The following TF variants were observed in gnomAD, a reference collection of about 807,000 sequenced individuals.
TF encodes transferrin, also known as serotransferrin.
TF carries 55 observed loss-of-function variants against 82.4 expected under a neutral mutation model. The observed-to-expected ratio is 0.67, with a 90% CI of 0.54 to 0.84. The LOEUF is 0.84. TF is among the 40% of genes least tolerant of loss of function. The pLI is 0.00. For missense variants in TF, 737 were observed against 868.4 expected (o/e 0.85, Z 1.90); for synonymous variants, 332 against 332.6 (o/e 1.00, Z 0.02).
In TF at chr3:133,757,812, G is replaced by C; in HGVS notation, c.914G>C (p.Ser305Thr). The change falls in exon 8 of 17, where the codon AGC (serine) becomes ACC (threonine). Residue 305 changes from serine to threonine, a missense_variant. Physicochemically the swap from Ser to Thr is moderately conservative, Grantham distance 58. Transcript: ENST00000402696. ...KDKSKEFQLF[S>T]SPHGKDLLFK... ...AAATCAAAAGAATTCCAACTATTCA[G>C]CTCTCCTCATGGGAAGGACCTGCTG... 1 of 1,614,192 alleles carries C rather than the reference G, an allele frequency of 6.2e-7. No homozygotes were observed. The highest frequency in any genetic ancestry group is 8.5e-7 in the Non-Finnish European group (1 of 1,180,036).
chr3:133,777,402 A>G, intron 16 of TF, 164 bp downstream of exon 16: 1 of 677,358 alleles, frequency 1.5e-6, no homozygotes, highest in South Asian at 1.7e-5. Context: ...ATGACAGGCT[A>G]GACTGTAGGG....
chr3:133,791,016 G>A lies in TF; in HGVS notation c.*12396G>A, dbSNP rs1934818045. 1 of 151,962 alleles carries A rather than the reference G, an allele frequency of 6.6e-6. No individual in the cohort carries two copies. Among genetic ancestry groups the A allele is most frequent in the Non-Finnish European group, 1.5e-5 (1 of 67,994 alleles). 9.4% of individuals were successfully genotyped at this position (151,962 alleles called of 1,614,324 possible). On this transcript the variant is annotated 3_prime_UTR_variant, in exon 17 of 17. Transcript: ENST00000402696. Reference sequence around the variant, plus strand: ...ATTTGTTTGCCATTTATTCTCCTCTGGCTTTGCTTGTGTATGCACATATAA... The same window carrying A: ...ATTTGTTTGCCATTTATTCTCCTCTAGCTTTGCTTGTGTATGCACATATAA...
chr3:133,669,826 G>C, the TF span, among the ~76,000 whole-genome samples: 56,598 of 152,016 alleles, frequency 0.37, 11,719 homozygotes, highest in East Asian at 0.53. Context: ...AGATTTTGGA[G>C]CTTTGCTATT....
chr3:133,697,644 C>A, the TF span, among the ~76,000 whole-genome samples: 1 of 152,174 alleles, frequency 6.6e-6, no homozygotes, highest in African/African-American at 2.4e-5. Context: ...CTGCTGCTGC[C>A]CCCCTGGGCC....
the TF span, among the ~76,000 whole-genome samples, chr3:133,673,519 C>A: frequency 1.3e-5 from 2 of 152,280 alleles, no homozygotes; most frequent in African/African-American, 2.4e-5. Context: ...GAATGTGCAA[C>A]GCTGATAATG....
At chr3:133,767,960 T>G in intron 12 of TF, 69 bp from the exon 13 acceptor site, 2 of 1,594,004 alleles carry the variant, frequency 1.3e-6, no homozygotes, top group Non-Finnish European at 1.7e-6. Context: ...TGCAGCCCTG[T>G]TATCTCTTAA....
At chr3:133,691,525 A>G in the TF span, among the ~76,000 whole-genome samples, 10 of 152,206 alleles carry the variant, frequency 6.6e-5, no homozygotes, top group Non-Finnish European at 1.2e-4. Context: ...GGCATCCAGC[A>G]TACACGAGAT....
the TF span, among the ~76,000 whole-genome samples, chr3:133,703,506 A>C: frequency 8.5e-3 from 1,291 of 152,270 alleles, 20 homozygotes; most frequent in African/African-American, 0.029. Context: ...TATCTAGCTT[A>C]TTGAAGTTTG....
chr3:133,692,505 T>C, the TF span, among the ~76,000 whole-genome samples: 1 of 152,116 alleles, frequency 6.6e-6, no homozygotes, highest in Admixed American at 6.5e-5. Context: ...TGCGCTCCAC[T>C]CAGTAGGCCC....
At chr3:133,755,597 G>A (rs1933804788) in intron 5 of TF, 102 bp downstream of exon 5, 2 of 1,530,026 alleles carry the variant, frequency 1.3e-6, no homozygotes, top group African/African-American at 1.4e-5. Context: ...GCCTACAGGG[G>A]CATCGAGGTG....
chr3:133,738,515 G>A, the TF span, among the ~76,000 whole-genome samples: 1 of 152,206 alleles, frequency 6.6e-6, no homozygotes, highest in Non-Finnish European at 1.5e-5. Context: ...AAGAGAGGAA[G>A]TCAAATTCTC....
the TF span, among the ~76,000 whole-genome samples, chr3:133,684,582 A>G: frequency 8.5e-5 from 13 of 152,186 alleles, no homozygotes; most frequent in African/African-American, 3.1e-4. Context: ...ATACCTCTAA[A>G]CAAATAAACT....
chr3:133,728,627 A>C, the TF span, among the ~76,000 whole-genome samples: 1 of 151,846 alleles, frequency 6.6e-6, no homozygotes, highest in Middle Eastern at 3.4e-3. Context: ...GAGTAGTTTG[A>C]TTGTCTGAAG....
chr3:133,734,364 A>C, the TF span, among the ~76,000 whole-genome samples: 1 of 152,218 alleles, frequency 6.6e-6, no homozygotes, highest in Non-Finnish European at 1.5e-5. Flanking sequence ...GAAGGTACAA[A>C]GTAGGCTTGA....
chr3:133,771,743 C>CAAAAAAAAAAAAAAAAAAAAAAAAAA (rs71136494), intron 14 of TF, among the ~76,000 whole-genome samples: 4 of 56,550 alleles, frequency 7.1e-5, no homozygotes, highest in African/African-American at 1.0e-4. Flanking sequence ...GACTCCGTCT[C>CAAAAAAAAAAAAAAAAAAAAAAAAAA]AAAAAAAAAA....
Position 133,789,129 on chromosome 3 carries a change from CT to C in TF, c.*10511del, listed in dbSNP as rs1413467219. 6.6e-6 allele frequency: 1 copy of C among 152,336 alleles called. No homozygotes were observed. The highest frequency in any genetic ancestry group is 1.5e-5 in the Non-Finnish European group (1 of 68,120). The allele number at this position is 152,336 out of a possible 1,614,324, so 9.4% of individuals were successfully genotyped here. ...GGGATTCCCCAGGGGATCCTCCAGA[CT>C]TCAACCTCTCCAAAGGGGATGCCCT... On this transcript the variant is annotated 3_prime_UTR_variant, in exon 17 of 17. Transcript: ENST00000402696.
At chr3:133,730,695 C>A in the TF span, among the ~76,000 whole-genome samples, 1 of 152,186 alleles carries the variant, frequency 6.6e-6, no homozygotes, top group African/African-American at 2.4e-5. Context: ...TAATGGATCC[C>A]TTTGAAGATT....
At chr3:133,727,143 T>C in the TF span, among the ~76,000 whole-genome samples, 2 of 152,196 alleles carry the variant, frequency 1.3e-5, no homozygotes, top group Admixed American at 1.3e-4. Flanking sequence ...TGATTTGGGG[T>C]GGAGAGTTCT....
At chr3:133,739,966 A>G in the TF span, among the ~76,000 whole-genome samples, 8 of 152,348 alleles carry the variant, frequency 5.3e-5, no homozygotes, top group African/African-American at 1.7e-4. Flanking sequence ...CATTTGACCC[A>G]GCAATCCCAT....
Sources: gnomAD v4.1 joint callset for allele counts (sites outside exome capture counted in the v4.1 genomes callset) on GRCh38, gnomAD v4.1.1 for gene constraint, MANE v1.5 for transcripts, NCBI Gene and HGNC (gene_info 2026-07-23, HGNC 2026-07-21) for gene names.